Variants in NBEAL1 observed in about 807,000 individuals in gnomAD.
NBEAL1 encodes the protein neurobeachin like 1.
In NBEAL1, 273 loss-of-function variants were observed where a neutral mutation model predicts 351.3. The ratio of observed to expected loss-of-function variants is 0.78; its 90% CI spans 0.70 to 0.86. NBEAL1 has a LOEUF of 0.86. Among genes scored for constraint, NBEAL1 ranks in the 40% least tolerant of loss-of-function variants. NBEAL1 has a pLI of 0.00. For missense variants in NBEAL1, 2,961 were observed against 3,201.3 expected, an observed-to-expected ratio of 0.92 and a Z score of 1.81; for synonymous variants, 1,050 against 1,086.4, an observed-to-expected ratio of 0.97 and a Z score of 0.66.
At chr2:203,050,234 TA>T (rs1559331844) in intron 4 of NBEAL1, 1 of 245,188 alleles carries the variant, frequency 4.1e-6, no homozygotes, top group South Asian at 1.8e-4. Context: ...ATTAAGTAAA[TA>T]AAAAAGAAAA....
Position 203,097,533 on chromosome 2 carries a change from T to C in NBEAL1, c.1099-14T>C. The C allele has an allele frequency of 1.0e-6, 1 of 970,002 alleles. No homozygotes were observed. The highest frequency in any genetic ancestry group is 4.8e-5 in the South Asian group (1 of 20,968). The allele number at this position is 970,002 out of a possible 1,614,324, so 60.1% of individuals were successfully genotyped here. ...ATGTTCTTTCTCCATTATTCTTGTCTCTGTTTTTAACAGCTATTTTTAAAT... is the reference window on the plus strand; with the variant it reads ...ATGTTCTTTCTCCATTATTCTTGTCCCTGTTTTTAACAGCTATTTTTAAAT... On this transcript the variant is annotated splice_polypyrimidine_tract_variant and intron_variant, in intron 10 of 55. Transcript: ENST00000683969.
At chr2:203,040,336 C>T in intron 2 of NBEAL1, 1 of 722,490 alleles carries the variant, frequency 1.4e-6, no homozygotes, top group Non-Finnish European at 2.5e-6. Context: ...AATGAGACCT[C>T]ATGCCTTGGA....
chr2:203,131,412 C>CA lies in NBEAL1; in HGVS notation c.3565-560dup, dbSNP rs1187530759. ...TGTATTTTTAGTAGAGACAGGGTTTCACTATGTTGGCCAGGCTGGTCTCGA... is the reference window on the plus strand; with the variant it reads ...TGTATTTTTAGTAGAGACAGGGTTTCAACTATGTTGGCCAGGCTGGTCTCGA... On this transcript the variant is annotated intron_variant, in intron 25 of 55. Transcript: ENST00000683969. Among the ~76,000 whole-genome samples the CA allele has an allele frequency of 2.0e-5, 3 of 152,134 alleles. No individual in the cohort carries two copies. The East Asian group carries it at 5.8e-4, about 29-fold the overall frequency.
In NBEAL1 at chr2:203,130,505, T is replaced by C. The variant is rs555464552; in HGVS notation, c.3564+29T>C. Reference sequence around the variant, plus strand: ...CAAACATTTCTTAAACATCTTTGTATTTTGAGGCGTTTGTGGGTATATGAA... The same window carrying C: ...CAAACATTTCTTAAACATCTTTGTACTTTGAGGCGTTTGTGGGTATATGAA... On this transcript the variant is annotated intron_variant, in intron 25 of 55. Coordinates refer to ENST00000683969, the MANE Select transcript of NBEAL1 (RefSeq NM_001378026.1). The C allele has an allele frequency of 8.1e-6, 11 of 1,362,446 alleles. No individual in the cohort carries two copies. The East Asian group carries it at 2.4e-4, about 30-fold the overall frequency. 84.4% of individuals were successfully genotyped at this position (1,362,446 alleles called of 1,614,324 possible). A position where few individuals can be genotyped will look rare whatever the true frequency, so the allele number is the denominator to read the frequency against.
chr2:203,057,766 A>T (rs1314677042), intron 6 of NBEAL1, among the ~76,000 whole-genome samples: 1 of 151,668 alleles, frequency 6.6e-6, no homozygotes, highest in Non-Finnish European at 1.5e-5. Context: ...TTTAAAAAAC[A>T]TACTTTATAA....
rs2062848825 is a variant in NBEAL1 at position 203,122,241 on chromosome 2, C to G, written c.2593-13C>G. ...CTAATTGGTTGTTTGCCATATTTTT[C>G]TTTTATTCTTAGGCCTGCAAAAATT... On this transcript the variant is annotated splice_polypyrimidine_tract_variant and intron_variant, in intron 18 of 55. Coordinates refer to ENST00000683969, the MANE Select transcript of NBEAL1 (RefSeq NM_001378026.1). The G allele has an allele frequency of 3.4e-6, 5 of 1,468,208 alleles. No homozygotes were observed. Among genetic ancestry groups the G allele is most frequent in the Non-Finnish European group, 4.6e-6 (5 of 1,093,300 alleles). 90.9% of individuals were successfully genotyped at this position (1,468,208 alleles called of 1,614,324 possible). A position where few individuals can be genotyped will look rare whatever the true frequency, so the allele number is the denominator to read the frequency against.
At chr2:203,021,174 G>GTTTCACCA (rs1340618274) in intron 2 of NBEAL1, among the ~76,000 whole-genome samples, 1 of 151,982 alleles carries the variant, frequency 6.6e-6, no homozygotes, top group African/African-American at 2.4e-5. Flanking sequence ...TAGAGATGGG[G>GTTTCACCA]TTTCACCATG....
At chr2:203,023,832 T>G (rs900702675) in intron 2 of NBEAL1, among the ~76,000 whole-genome samples, 1 of 152,030 alleles carries the variant, frequency 6.6e-6, no homozygotes, top group African/African-American at 2.4e-5. Flanking sequence ...AGGGTTATTA[T>G]GAGAATAAGA....
chr2:203,024,970 A>G (rs1311272848), intron 2 of NBEAL1, among the ~76,000 whole-genome samples: 1 of 152,186 alleles, frequency 6.6e-6, no homozygotes, highest in Non-Finnish European at 1.5e-5. Context: ...TATATTATTA[A>G]TTTTTTATTA....
At chr2:203,016,921 C>T (rs2060690795) in intron 2 of NBEAL1, among the ~76,000 whole-genome samples, 1 of 152,140 alleles carries the variant, frequency 6.6e-6, no homozygotes, top group African/African-American at 2.4e-5. Flanking sequence ...TTCCTTCTCA[C>T]TACAATACTG....
intron 35 of NBEAL1, 50 bp downstream of exon 35, chr2:203,151,639 C>G (rs746293242): frequency 2.0e-6 from 3 of 1,502,274 alleles, no homozygotes; most frequent in Non-Finnish European, 2.7e-6. Flanking sequence ...TGAGAGTGTT[C>G]GTGGGGTTGA....
intron 2 of NBEAL1, among the ~76,000 whole-genome samples, chr2:203,020,979 GGCCCAATCTCA>G (rs1359623904): frequency 6.6e-6 from 1 of 152,086 alleles, no homozygotes; most frequent in East Asian, 1.9e-4. Flanking sequence ...GGAGTGCAGT[GGCCCAATCTCA>G]GCTCACCACA....
intron 7 of NBEAL1, 137 bp from the exon 8 acceptor site, chr2:203,077,615 C>T: frequency 2.3e-6 from 1 of 442,538 alleles, no homozygotes; most frequent in Non-Finnish European, 3.8e-6. Context: ...AGACAAAATG[C>T]ATATCAACCT....
rs1215704734 is a variant in NBEAL1 at position 203,136,145 on chromosome 2, TC to T, written c.4286del (p.Pro1429GlnfsTer2). The part of the protein sequence containing the change: ...QVPDSLPSTP[S>X]PVESTKSFSV... ...GCCAGACAGTCTGCCTAGCACACCA[TC>T]CCCAGTAGAGTCTACTAAATCGTTT... On this transcript the variant is annotated frameshift_variant, in exon 28 of 56. Transcript: ENST00000683969. LOFTEE classifies it high-confidence loss of function. 1 of 1,613,914 alleles carries T rather than the reference TC, an allele frequency of 6.2e-7. No individual in the cohort carries two copies. The highest frequency in any genetic ancestry group is 1.3e-5 in the African/African-American group (1 of 74,900).
chr2:203,193,538 TAAAAG>T (rs2065154100), intron 46 of NBEAL1, among the ~76,000 whole-genome samples: 1 of 151,934 alleles, frequency 6.6e-6, no homozygotes, highest in Non-Finnish European at 1.5e-5. Flanking sequence ...GGAAAAATAA[TAAAAG>T]AGAATAATAC....
At chr2:203,206,782 C>T (rs1290580302) in intron 51 of NBEAL1, among the ~76,000 whole-genome samples, 1 of 151,790 alleles carries the variant, frequency 6.6e-6, no homozygotes, top group Admixed American at 6.6e-5. Context: ...CATCCACCTC[C>T]CAGCAGCCTG....
intron 34 of NBEAL1, among the ~76,000 whole-genome samples, chr2:203,150,931 T>C (rs2106352841): frequency 6.6e-6 from 1 of 152,306 alleles, no homozygotes; most frequent in South Asian, 2.1e-4. Context: ...AATAATGTAG[T>C]CTGTTTTAGA....
At position 203,119,410 on chromosome 2, in the gene NBEAL1, C is replaced by T. The variant is rs116706685; in HGVS notation, c.2593-2844C>T. ...CTAAGATTACAGGCGTGAGCCACTG[C>T]ATACGGCCTGTTGCTTTTTTTTTTT... On this transcript the variant is annotated intron_variant, in intron 18 of 55. Transcript: ENST00000683969. 3.8e-3 allele frequency among the ~76,000 whole-genome samples: 424 copies of T among 110,392 alleles called. 3 individuals are homozygous for T. The highest frequency in any genetic ancestry group is 0.013 in the African/African-American group (410 of 30,890). The allele number at this position is 110,392 out of a possible 152,430, so 72.4% of individuals were successfully genotyped here. A position where few individuals can be genotyped will look rare whatever the true frequency, so the allele number is the denominator to read the frequency against.
chr2:203,127,921 C>G lies in NBEAL1; in HGVS notation c.3389C>G (p.Thr1130Ser). The G allele has an allele frequency of 6.5e-7, 1 of 1,549,932 alleles. No individual in the cohort carries two copies. The highest frequency in any genetic ancestry group is 8.7e-7 in the Non-Finnish European group (1 of 1,145,464). The change falls in exon 24 of 56, where the codon ACT becomes AGT. Residue 1130 changes from threonine (T) to serine (S), a missense_variant. Transcript: ENST00000683969. ...IQSIMGYIAA[T>S]NEEEQLFGIL... ...AGTATTATGGGGTACATAGCTGCTA[C>G]TAATGAAGAAGAACAGGTATTATGC... is the stretch of plus-strand genomic sequence containing the variant.
Sources: gnomAD v4.1 joint callset for allele counts (sites outside exome capture counted in the v4.1 genomes callset) on GRCh38, gnomAD v4.1.1 for gene constraint, MANE v1.5 for transcripts, NCBI Gene and HGNC (gene_info 2026-07-23, HGNC 2026-07-21) for gene names.